Variants in CAMTA1 observed in about 807,000 individuals in gnomAD.
CAMTA1 encodes the protein calmodulin binding transcription activator 1, also known as calmodulin-binding transcription activator 1.
In CAMTA1, 27 loss-of-function variants were observed where a neutral mutation model predicts 170.9. The observed-to-expected ratio is 0.16, with a 90% confidence interval of 0.12 to 0.22. CAMTA1 has a LOEUF of 0.22. Among genes scored for constraint, CAMTA1 ranks in the 10% least tolerant of loss-of-function variants. The pLI is 1.00. For synonymous variants in CAMTA1, 833 were observed against 891.5 expected (o/e 0.93, Z 1.17); for missense variants, 1,619 against 2,217.2 (o/e 0.73, Z 5.42).
At chr1:7,283,610 C>G (rs1348420943) in intron 5 of CAMTA1, among the ~76,000 whole-genome samples, 2 of 152,204 alleles carry the variant, frequency 1.3e-5, no homozygotes, top group African/African-American at 4.8e-5. Context: ...TCTTCATCTT[C>G]AAATATCTTC....
At chr1:7,610,639 A>C (rs376010195) in intron 6 of CAMTA1, among the ~76,000 whole-genome samples, 2 of 152,194 alleles carry the variant, frequency 1.3e-5, no homozygotes, top group East Asian at 3.8e-4. Context: ...GCCCATCCAT[A>C]ACCCTGACCC....
chr1:7,449,571 A>G (rs1007539443), intron 5 of CAMTA1, among the ~76,000 whole-genome samples: 1 of 152,074 alleles, frequency 6.6e-6, no homozygotes, highest in African/African-American at 2.4e-5. Flanking sequence ...GGAGTTCAAC[A>G]CCAGCCTGGC....
At chr1:7,668,655 C>T (rs1176601604) in intron 9 of CAMTA1, among the ~76,000 whole-genome samples, 1 of 152,112 alleles carries the variant, frequency 6.6e-6, no homozygotes, top group African/African-American at 2.4e-5. Flanking sequence ...ACCAGTTCAG[C>T]GCAGCCAGGC....
At chr1:7,658,889 C>T (rs1286152324) in intron 7 of CAMTA1, among the ~76,000 whole-genome samples, 1 of 152,248 alleles carries the variant, frequency 6.6e-6, no homozygotes. Context: ...AAGATGAAAG[C>T]ACTGTCCACC....
chr1:7,607,319 G>A (rs1313017124), intron 6 of CAMTA1, among the ~76,000 whole-genome samples: 1 of 151,356 alleles, frequency 6.6e-6, no homozygotes, highest in Non-Finnish European at 1.5e-5. Flanking sequence ...ATGGTAGGTG[G>A]GTGGATGGAT....
At chr1:7,355,205 CAAAA>C (rs200603818) in intron 5 of CAMTA1, among the ~76,000 whole-genome samples, 16 of 112,862 alleles carry the variant, frequency 1.4e-4, no homozygotes, top group Non-Finnish European at 1.4e-4. Context: ...AACTCCGTCT[CAAAA>C]AAAAAAAAAA....
At chr1:7,018,055 A>G (rs1397136915) in intron 3 of CAMTA1, among the ~76,000 whole-genome samples, 1 of 149,868 alleles carries the variant, frequency 6.7e-6, no homozygotes, top group African/African-American at 2.5e-5. Flanking sequence ...CTTGACCTCC[A>G]AGGGCTCAAG....
chr1:7,229,090 C>A lies in CAMTA1; in HGVS notation c.303-20401C>A, dbSNP rs1662222068. On this transcript the variant is annotated intron_variant, in intron 4 of 22. Transcript: ENST00000303635. Reference sequence around the variant, plus strand: ...AGCCCAGAGGGCAGCCCCGCAGAGTCCAGGAGGAGATGATGAGGCCACCCC... The same window carrying A: ...AGCCCAGAGGGCAGCCCCGCAGAGTACAGGAGGAGATGATGAGGCCACCCC... Among the ~76,000 whole-genome samples the A allele has an allele frequency of 2.0e-5, 3 of 151,706 alleles. No homozygotes were observed. The South Asian group carries it at 6.2e-4, about 32-fold the overall frequency.
intron 6 of CAMTA1, among the ~76,000 whole-genome samples, chr1:7,503,877 G>T (rs1035622888): frequency 6.6e-6 from 1 of 152,142 alleles, no homozygotes; most frequent in African/African-American, 2.4e-5. Context: ...AGCCACCTCC[G>T]CTGCCCCGCA....
chr1:7,104,792 A>G (rs1417026691), intron 4 of CAMTA1, among the ~76,000 whole-genome samples: 1 of 152,184 alleles, frequency 6.6e-6, no homozygotes, highest in South Asian at 2.1e-4. Context: ...GGGCCCATTT[A>G]CATGTGAGAA....
intron 3 of CAMTA1, among the ~76,000 whole-genome samples, chr1:7,070,668 T>G (rs1638522497): frequency 6.6e-6 from 1 of 152,198 alleles, no homozygotes; most frequent in East Asian, 1.9e-4. Context: ...AACCCAGGTC[T>G]TCCTGCTGGT....
intron 3 of CAMTA1, among the ~76,000 whole-genome samples, chr1:6,876,499 A>G (rs1669933090): frequency 6.6e-6 from 1 of 151,880 alleles, no homozygotes; most frequent in Admixed American, 6.6e-5. Flanking sequence ...AGTAGCTGGG[A>G]TTACAGGCGT....
intron 4 of CAMTA1, among the ~76,000 whole-genome samples, chr1:7,199,711 C>T (rs939234978): frequency 1.4e-5 from 2 of 139,726 alleles, no homozygotes; most frequent in African/African-American, 5.5e-5. Flanking sequence ...CCGCCCAGTG[C>T]AGTCCTGCAG....
chr1:6,929,935 C>G (rs909713614), intron 3 of CAMTA1, among the ~76,000 whole-genome samples: 1 of 152,202 alleles, frequency 6.6e-6, no homozygotes, highest in African/African-American at 2.4e-5. Flanking sequence ...CATTTGCCCT[C>G]GGTGGAACTT....
At chr1:7,567,510 G>A (rs541080420) in intron 6 of CAMTA1, among the ~76,000 whole-genome samples, 1 of 152,354 alleles carries the variant, frequency 6.6e-6, no homozygotes, top group East Asian at 1.9e-4. Flanking sequence ...CCGATGACAG[G>A]GAAAGCAGTG....
chr1:7,433,059 C>T (rs1234392093), intron 5 of CAMTA1, among the ~76,000 whole-genome samples: 1 of 152,232 alleles, frequency 6.6e-6, no homozygotes, highest in Non-Finnish European at 1.5e-5. Context: ...GGTATGCCGG[C>T]CCCCAGTCCC....
At chr1:7,362,393 C>G (rs1321453419) in intron 5 of CAMTA1, among the ~76,000 whole-genome samples, 2 of 145,368 alleles carry the variant, frequency 1.4e-5, no homozygotes, top group South Asian at 2.2e-4. Flanking sequence ...GACTTGGGTA[C>G]AGTTAGTAGA....
intron 3 of CAMTA1, among the ~76,000 whole-genome samples, chr1:7,034,330 T>C (rs114306258): frequency 0.015 from 2,351 of 152,256 alleles, 73 homozygotes; most frequent in African/African-American, 0.054. Context: ...TTAATTTTTG[T>C]ATTTTTAGCA....
At position 7,635,456 on chromosome 1, in the gene CAMTA1, A is replaced by G. The variant is rs902269406; in HGVS notation, c.511-4944A>G. 2.6e-5 allele frequency among the ~76,000 whole-genome samples: 4 copies of G among 151,778 alleles called. No homozygotes were observed. The East Asian group carries it at 7.8e-4, about 30-fold the overall frequency. ...CCCCGTCTCTACTAAAAAATACAAAACAATTAGCGGGGCACTGTGGCGGGC... is the reference window on the plus strand; with the variant it reads ...CCCCGTCTCTACTAAAAAATACAAAGCAATTAGCGGGGCACTGTGGCGGGC... On this transcript the variant is annotated intron_variant, in intron 6 of 22. Transcript: ENST00000303635. The surrounding 1 kb of genome is among the most constrained non-coding windows in gnomAD (Gnocchi z 4.4).
Sources: allele counts gnomAD v4.1 joint callset (sites outside exome capture counted in the v4.1 genomes callset), GRCh38; gene constraint gnomAD v4.1.1; non-coding constraint Gnocchi (gnomAD v3.1); transcripts MANE v1.5; gene names NCBI Gene and HGNC (gene_info 2026-07-23, HGNC 2026-07-21).